Variants in CDK5RAP3 observed in about 807,000 individuals in gnomAD.
CDK5RAP3 encodes CDK5 regulatory subunit associated protein 3.
In CDK5RAP3, 58 loss-of-function variants were observed where a neutral mutation model predicts 73.3. The ratio of observed to expected loss-of-function variants is 0.79; its 90% CI spans 0.64 to 0.98. The LOEUF (loss-of-function observed/expected upper bound fraction) is 0.98. CDK5RAP3 is among the 50% of genes least tolerant of loss of function. The pLI, the probability that CDK5RAP3 is intolerant of heterozygous loss-of-function variation, is 0.00. For synonymous variants in CDK5RAP3, 224 were observed against 247.5 expected, an observed-to-expected ratio of 0.91 and a Z score of 0.89; for missense variants, 525 against 615.8, an observed-to-expected ratio of 0.85 and a Z score of 1.56.
In CDK5RAP3 at chr17:47,974,072, A is replaced by T. The variant is rs757595341; in HGVS notation, c.285+41A>T. On this transcript the variant is annotated intron_variant, in intron 4 of 13. Coordinates refer to ENST00000338399, the MANE Select transcript of CDK5RAP3 (RefSeq NM_176096.3). ...GGGCCGGTAGTATGTGGTTGGGGACATCCAATCCGAGGAGTCATAGCCTCT... is the reference window on the plus strand; with the variant it reads ...GGGCCGGTAGTATGTGGTTGGGGACTTCCAATCCGAGGAGTCATAGCCTCT... 13 of 1,393,224 alleles carry T rather than the reference A, an allele frequency of 9.3e-6. No homozygotes were observed. The East Asian group carries it at 2.5e-4, about 27-fold the overall frequency. The allele number at this position is 1,393,224 out of a possible 1,614,324, so 86.3% of individuals were successfully genotyped here.
At position 47,975,614 on chromosome 17, in the gene CDK5RAP3, T is replaced by C; in HGVS notation, c.614T>C (p.Ile205Thr). Residue 205 changes from isoleucine to threonine, a missense_variant, in exon 7 of 14, where the codon ATT becomes ACT. Ile to Thr is a moderately conservative substitution (Grantham distance 89). Coordinates refer to ENST00000338399, the MANE Select transcript of CDK5RAP3 (RefSeq NM_176096.3). Reference sequence around the variant, plus strand: ...GCTCAGCAGTCCCTGGGGGAAGCCATTGACGTGTACCAGGCGTCTGTGGGG... The same window carrying C: ...GCTCAGCAGTCCCTGGGGGAAGCCACTGACGTGTACCAGGCGTCTGTGGGG... ...AAAQQSLGEAIDVYQASVGFV... is the reference protein window; with the variant it reads ...AAAQQSLGEATDVYQASVGFV... 1.2e-6 allele frequency: 2 copies of C among 1,607,156 alleles called. No individual in the cohort carries two copies. Among genetic ancestry groups the C allele is most frequent in the African/African-American group, 1.3e-5 (1 of 75,056 alleles).
chr17:47,972,088 G>T (rs2036284603), intron 2 of CDK5RAP3, among the ~76,000 whole-genome samples: 1 of 78,200 alleles, frequency 1.3e-5, no homozygotes, highest in African/African-American at 3.9e-5. Flanking sequence ...TTTGCATTAT[G>T]CCAGGAAAAA....
intron 8 of CDK5RAP3, among the ~76,000 whole-genome samples, 163 bp downstream of exon 8, chr17:47,976,176 G>T (rs1019853538): frequency 6.6e-6 from 1 of 152,138 alleles, no homozygotes; most frequent in East Asian, 1.9e-4. Flanking sequence ...TTATTTTTCT[G>T]AGTATAGGTG....
At chr17:47,973,076 C>T (rs907755296) in intron 2 of CDK5RAP3, among the ~76,000 whole-genome samples, 1 of 152,206 alleles carries the variant, frequency 6.6e-6, no homozygotes, top group African/African-American at 2.4e-5. Flanking sequence ...AGGGGCTTTG[C>T]AGCTGTTCAT....
chr17:47,971,185 T>A, intron 1 of CDK5RAP3, 33 bp downstream of exon 1: 1 of 1,538,498 alleles, frequency 6.5e-7, no homozygotes, highest in Non-Finnish European at 8.8e-7. Flanking sequence ...TGCTGGGGAC[T>A]GGCCGCGGAC....
chr17:47,978,847 G>C lies in CDK5RAP3; in HGVS notation c.1007G>C (p.Arg336Thr), dbSNP rs1318952183. 6.2e-7 allele frequency: 1 copy of C among 1,613,802 alleles called. No individual in the cohort carries two copies. The highest frequency in any genetic ancestry group is 8.5e-7 in the Non-Finnish European group (1 of 1,179,812). ...CTGGCAGCTCCAGAAGGTGTTGCCA[G>C]GGGCCCAGATGCCCTGACACTGCTT... ...AGTQAPEGVA[R>T]GPDALTLLEY... Residue 336 changes from arginine to threonine, a missense_variant, in exon 11 of 14, where the codon AGG becomes ACG. Arg to Thr is a moderately conservative substitution (Grantham distance 71). Transcript: ENST00000338399.
chr17:47,979,332 C>T (rs1258522718), intron 11 of CDK5RAP3: 1 of 167,314 alleles, frequency 6.0e-6, no homozygotes, highest in Non-Finnish European at 1.3e-5. Flanking sequence ...TCAGGGAAGG[C>T]CTCATTGAGA....
upstream of CDK5RAP3, chr17:47,970,604 A>C: frequency 6.8e-7 from 1 of 1,473,242 alleles, no homozygotes; most frequent in Non-Finnish European, 9.2e-7. Context: ...ATCGCCCAAC[A>C]CGTTGCAGGT....
rs752251451 is a variant in CDK5RAP3, at chr17:47,975,993, G to T, written c.778G>T (p.Glu260Ter). ...ACGACCCCACCTCGAGGAGCTTCCT[G>T]AGCAGGTGGCAGAAGATGCGGTAAG... Reference protein sequence around the residue: ...VERPHLEELPEQVAEDAIDWG... With the variant: ...VERPHLEELP The change falls in exon 8 of 14, where the codon GAG becomes TAG. Residue 260 changes from glutamate (E) to a stop codon, truncating the protein, a stop_gained. Coordinates refer to ENST00000338399, the MANE Select transcript of CDK5RAP3 (RefSeq NM_176096.3). LOFTEE classifies it high-confidence loss of function. 2 of 1,614,106 alleles carry T rather than the reference G, an allele frequency of 1.2e-6. No homozygotes were observed. The highest frequency in any genetic ancestry group is 1.1e-5 in the South Asian group (1 of 91,068).
upstream of CDK5RAP3, chr17:47,970,870 G>A: frequency 7.0e-7 from 1 of 1,422,404 alleles, no homozygotes; most frequent in South Asian, 1.4e-5. Context: ...GGCCGCTGCA[G>A]CGCACCCCCT....
At chr17:47,970,446 G>GTCTCCT, upstream of CDK5RAP3, 5 of 540,372 alleles carry the variant, frequency 9.3e-6, no homozygotes, top group Non-Finnish European at 1.7e-5. Flanking sequence ...GCAGTTTGTG[G>GTCTCCT]CCACCTAAGC....
Position 47,971,135 on chromosome 17 carries a change from A to G in CDK5RAP3, c.-12A>G. 6.4e-7 allele frequency: 1 copy of G among 1,550,992 alleles called. No homozygotes were observed. The highest frequency in any genetic ancestry group is 1.2e-5 in the South Asian group (1 of 83,908). On this transcript the variant is annotated 5_prime_UTR_variant, in exon 1 of 14. Coordinates refer to ENST00000338399, the MANE Select transcript of CDK5RAP3 (RefSeq NM_176096.3). The stretch of plus-strand genomic sequence containing the variant: ...GCCACAGTCTCCAGCCTGAAGCGGA[A>G]GTGGAGGAAAGATGGAGGTGTGGGG...
At chr17:47,980,409 C>T in intron 11 of CDK5RAP3, 184 bp from the exon 12 acceptor site, 1 of 634,648 alleles carries the variant, frequency 1.6e-6, no homozygotes, top group South Asian at 1.8e-5. Context: ...GCTGGGACTA[C>T]AGGCATACAC....
At chr17:47,968,355 C>A (rs2036210522), upstream of CDK5RAP3, among the ~76,000 whole-genome samples, 1 of 152,152 alleles carries the variant, frequency 6.6e-6, no homozygotes, top group Non-Finnish European at 1.5e-5. Flanking sequence ...CACTCTGTTG[C>A]CCAGGCTGGA....
Position 47,975,062 on chromosome 17 carries a change from T to A in CDK5RAP3, c.335-97T>A, listed in dbSNP as rs1317106103. On this transcript the variant is annotated intron_variant, in intron 5 of 13. Coordinates refer to ENST00000338399, the MANE Select transcript of CDK5RAP3 (RefSeq NM_176096.3). The stretch of plus-strand genomic sequence containing the variant: ...AACAAGTGGGGCTGGGAAGCTGACT[T>A]CGTGCTCTTCACCACCACAAAGGAT... 3 of 1,610,292 alleles carry A rather than the reference T, an allele frequency of 1.9e-6. No individual in the cohort carries two copies. The African/African-American group carries it at 4.0e-5, about 22-fold the overall frequency.
upstream of CDK5RAP3, among the ~76,000 whole-genome samples, chr17:47,970,173 G>A (rs2036232105): frequency 6.6e-6 from 1 of 152,056 alleles, no homozygotes; most frequent in Non-Finnish European, 1.5e-5. Flanking sequence ...AACCCCTTCT[G>A]TGATTCCTCT....
At chr17:47,970,481 TA>T (rs746141757), upstream of CDK5RAP3, 410 of 623,552 alleles carry the variant, frequency 6.6e-4, no homozygotes, top group Non-Finnish European at 1.0e-3. Flanking sequence ...CTCCTCCACC[TA>T]AAACTCCTCT....
chr17:47,970,907 G>A (rs2036243260), upstream of CDK5RAP3: 2 of 1,445,192 alleles, frequency 1.4e-6, no homozygotes, highest in Admixed American at 5.2e-5. Flanking sequence ...AGCCCGCCTC[G>A]CGTCTCCAAT....
chr17:47,978,992 T>G (rs940600537), intron 11 of CDK5RAP3, 75 bp downstream of exon 11: 7 of 1,061,346 alleles, frequency 6.6e-6, no homozygotes, highest in Non-Finnish European at 8.8e-6. Flanking sequence ...ATGCCTGACC[T>G]GACCCCTCCT....
Sources: allele counts gnomAD v4.1 joint callset (sites outside exome capture counted in the v4.1 genomes callset), GRCh38; gene constraint gnomAD v4.1.1; transcripts MANE v1.5; gene names NCBI Gene and HGNC (gene_info 2026-07-23, HGNC 2026-07-21).